The following TPST1 variants were observed in gnomAD, a reference collection of about 807,000 sequenced individuals.
TPST1 encodes the protein protein-tyrosine sulfotransferase 1.
TPST1 carries 20 observed loss-of-function variants against 34.8 expected under a neutral mutation model. That is an observed-to-expected ratio of 0.57 (90% CI 0.40 to 0.84). The LOEUF is 0.84. Among genes scored for constraint, TPST1 ranks in the 40% least tolerant of loss-of-function variants. The pLI is 0.00. For synonymous variants in TPST1, 152 were observed against 159.4 expected (o/e 0.95, Z 0.35); for missense variants, 353 against 455.5 (o/e 0.78, Z 2.05).
intron 3 of TPST1, among the ~76,000 whole-genome samples, chr7:66,330,668 A>C (rs777690159): frequency 2.0e-5 from 3 of 152,056 alleles, no homozygotes; most frequent in Non-Finnish European, 4.4e-5. Context: ...CTCACAGTCC[A>C]CCTCCTAACA....
intron 5 of TPST1, among the ~76,000 whole-genome samples, 151 bp downstream of exon 5, chr7:66,357,022 T>C (rs775964904): frequency 1.3e-5 from 2 of 152,226 alleles, no homozygotes; most frequent in Non-Finnish European, 2.9e-5. Flanking sequence ...GCAAGCACAT[T>C]ACTTCACCTC....
chr7:66,202,766 G>C (rs980236984), upstream of TPST1, among the ~76,000 whole-genome samples: 1 of 152,094 alleles, frequency 6.6e-6, no homozygotes, highest in Non-Finnish European at 1.5e-5. Flanking sequence ...AACATAGTGA[G>C]ACCCTGTCTC....
chr7:66,283,284 C>G (rs761340464), intron 2 of TPST1, among the ~76,000 whole-genome samples: 1 of 151,940 alleles, frequency 6.6e-6, no homozygotes, highest in Non-Finnish European at 1.5e-5. Context: ...AAAAAAAACC[C>G]CAGGTTATCT....
intron 2 of TPST1, among the ~76,000 whole-genome samples, chr7:66,247,821 C>T (rs1010557225): frequency 3.3e-5 from 5 of 152,092 alleles, no homozygotes; most frequent in African/African-American, 4.8e-5. Context: ...GTATGGAGGA[C>T]TCCTTGTGGC....
At chr7:66,337,962 G>GGAA (rs1190525577) in intron 3 of TPST1, among the ~76,000 whole-genome samples, 1 of 152,166 alleles carries the variant, frequency 6.6e-6, no homozygotes, top group Non-Finnish European at 1.5e-5. Context: ...CCAAAAACAA[G>GGAA]GAACAGTATG....
chr7:66,283,134 C>T (rs1790965775), intron 2 of TPST1, among the ~76,000 whole-genome samples: 1 of 152,018 alleles, frequency 6.6e-6, no homozygotes, highest in African/African-American at 2.4e-5. Context: ...ATGGTGGTGG[C>T]CTGTAATCCC....
At chr7:66,345,608 A>G (rs1792332951) in intron 3 of TPST1, among the ~76,000 whole-genome samples, 1 of 152,082 alleles carries the variant, frequency 6.6e-6, no homozygotes, top group Non-Finnish European at 1.5e-5. Context: ...ACCTAGAGGA[A>G]AAAAAACACC....
intron 1 of TPST1, among the ~76,000 whole-genome samples, chr7:66,222,669 C>A (rs1789569129): frequency 6.6e-6 from 1 of 151,972 alleles, no homozygotes; most frequent in South Asian, 2.1e-4. Context: ...GCACCATGAG[C>A]AGAGGCCAGG....
Position 66,224,901 on chromosome 7 carries a change from C to CTTTTTTTTTTTTTT in TPST1, c.-101-15406_-101-15393dup, listed in dbSNP as rs780952403. 2.5e-3 allele frequency among the ~76,000 whole-genome samples: 107 copies of CTTTTTTTTTTTTTT among 42,414 alleles called. 22 individuals are homozygous for CTTTTTTTTTTTTTT. Among genetic ancestry groups the CTTTTTTTTTTTTTT allele is most frequent in the South Asian group, 5.8e-3 (4 of 688 alleles). 27.8% of individuals were successfully genotyped at this position (42,414 alleles called of 152,430 possible). On this transcript the variant is annotated intron_variant, in intron 1 of 5. Transcript: ENST00000304842. ...AACTGAGCCTGAACATTCTGGTATT[C>CTTTTTTTTTTTTTT]TTTTTTTTTTTTTTTTTTTTTTTTT...
chr7:66,338,212 TAAATC>T (rs928506711), intron 3 of TPST1, among the ~76,000 whole-genome samples: 18 of 151,872 alleles, frequency 1.2e-4, no homozygotes, highest in Admixed American at 2.0e-4. Flanking sequence ...AAAATAAACT[TAAATC>T]AAGATGGTTA....
At chr7:66,213,350 A>C (rs1789303614) in intron 1 of TPST1, among the ~76,000 whole-genome samples, 1 of 151,976 alleles carries the variant, frequency 6.6e-6, no homozygotes, top group Non-Finnish European at 1.5e-5. Flanking sequence ...CCACCGAGTT[A>C]TTATTTTGGT....
In TPST1 at chr7:66,327,338, A is replaced by G. The variant is rs185435735; in HGVS notation, c.1045-25167A>G. 4.3e-4 allele frequency among the ~76,000 whole-genome samples: 65 copies of G among 152,336 alleles called. No homozygotes were observed. The East Asian group carries it at 9.2e-3, about 22-fold the overall frequency. On this transcript the variant is annotated intron_variant, in intron 3 of 5. Coordinates refer to ENST00000304842, the MANE Select transcript of TPST1 (RefSeq NM_003596.4). ...GTTTACAATGAGTTTACAGAAAGAA[A>G]GGAGAGGGATAAATTATATTTAGTT...
chr7:66,334,683 C>T (rs1792060375), intron 3 of TPST1, among the ~76,000 whole-genome samples: 1 of 150,330 alleles, frequency 6.7e-6, no homozygotes, highest in South Asian at 2.1e-4. Flanking sequence ...AACCTGAGTT[C>T]ACCAGAACTT....
At chr7:66,255,897 A>G (rs12537823) in intron 2 of TPST1, among the ~76,000 whole-genome samples, 98,137 of 151,906 alleles carry the variant, frequency 0.65, 32,063 homozygotes, top group African/African-American at 0.74. Flanking sequence ...GAAGCAGTAC[A>G]GTTTTTTTTA....
intron 1 of TPST1, among the ~76,000 whole-genome samples, chr7:66,207,891 C>A (rs779344357): frequency 2.6e-5 from 4 of 152,154 alleles, no homozygotes; most frequent in African/African-American, 7.2e-5. Flanking sequence ...AAATCATCTT[C>A]TTTTCTCCTC....
At chr7:66,211,651 T>C (rs1411375820) in intron 1 of TPST1, among the ~76,000 whole-genome samples, 1 of 152,204 alleles carries the variant, frequency 6.6e-6, no homozygotes, top group East Asian at 1.9e-4. Flanking sequence ...TGGTCAAATA[T>C]GCGTAGTCAT....
At chr7:66,222,517 C>T (rs912736461) in intron 1 of TPST1, among the ~76,000 whole-genome samples, 2 of 152,056 alleles carry the variant, frequency 1.3e-5, no homozygotes, top group South Asian at 4.1e-4. Flanking sequence ...AAACTAACCA[C>T]AATACAGTGG....
At chr7:66,352,907 T>C in intron 4 of TPST1, 1 of 985,458 alleles carries the variant, frequency 1.0e-6, no homozygotes, top group Middle Eastern at 5.2e-4. Flanking sequence ...TCAGCGACCC[T>C]CTCTGTTCCT....
chr7:66,216,159 A>G (rs1789405503), intron 1 of TPST1, among the ~76,000 whole-genome samples: 1 of 152,132 alleles, frequency 6.6e-6, no homozygotes, highest in Admixed American at 6.6e-5. Context: ...TTGAGTCAGT[A>G]TTAGTAGTTT....
Sources: allele counts gnomAD v4.1 joint callset (sites outside exome capture counted in the v4.1 genomes callset), GRCh38; gene constraint gnomAD v4.1.1; transcripts MANE v1.5; gene names NCBI Gene and HGNC (gene_info 2026-07-23, HGNC 2026-07-21).